PHKB: variants seen among roughly 807,000 people sequenced by gnomAD.
PHKB encodes the protein phosphorylase kinase regulatory subunit beta.
In PHKB, 122 loss-of-function variants were observed where a neutral mutation model predicts 152.1. That is an observed-to-expected ratio of 0.80 (90% CI 0.69 to 0.93). The LOEUF is 0.93. Ranked by LOEUF, PHKB falls within the 40% of genes least tolerant of loss-of-function variation. PHKB has a pLI of 0.00. For synonymous variants in PHKB, 436 were observed against 464.9 expected (o/e 0.94, Z 0.80); for missense variants, 1,304 against 1,328.4 (o/e 0.98, Z 0.29).
intron 14 of PHKB, among the ~76,000 whole-genome samples, chr16:47,619,598 C>G (rs1972582120): frequency 6.6e-6 from 1 of 152,182 alleles, no homozygotes; most frequent in Non-Finnish European, 1.5e-5. Flanking sequence ...CTCCCTCTCC[C>G]CATTCACCCT....
At chr16:47,609,085 C>T (rs761827868) in intron 13 of PHKB, among the ~76,000 whole-genome samples, 3 of 152,100 alleles carry the variant, frequency 2.0e-5, no homozygotes, top group Non-Finnish European at 2.9e-5. Flanking sequence ...TCTTCTGTTC[C>T]TACTTTGTTG....
intron 12 of PHKB, 112 bp downstream of exon 12, chr16:47,594,326 AT>A (rs1972081863): frequency 2.9e-6 from 2 of 681,132 alleles, no homozygotes; most frequent in African/African-American, 3.6e-5. Flanking sequence ...ATTGAAAAAA[AT>A]GAATGATCCC....
At chr16:47,682,349 T>G (rs919422371) in intron 26 of PHKB, among the ~76,000 whole-genome samples, 1 of 152,142 alleles carries the variant, frequency 6.6e-6, no homozygotes, top group Non-Finnish European at 1.5e-5. Context: ...ATCATATCCC[T>G]CAGAGTGTTT....
At position 47,667,627 on chromosome 16, in the gene PHKB, T is replaced by A. The variant is rs571952303; in HGVS notation, c.2428-1588T>A. ...CACCTCCAGCCAGAGTCTTGTGTTT[T>A]TACCCTGAACCAAGCCACCTCTGAA... On this transcript the variant is annotated intron_variant, in intron 25 of 30. Coordinates refer to ENST00000323584, the MANE Select transcript of PHKB (RefSeq NM_000293.3). Among the ~76,000 whole-genome samples the A allele has an allele frequency of 1.3e-4, 20 of 152,312 alleles. 1 individual carries two copies. In the South Asian group the frequency reaches 4.1e-3, roughly 32 times the overall value.
At chr16:47,601,489 A>G (rs1972225332) in intron 13 of PHKB, among the ~76,000 whole-genome samples, 1 of 152,050 alleles carries the variant, frequency 6.6e-6, no homozygotes, top group Non-Finnish European at 1.5e-5. Flanking sequence ...GCGGATCATG[A>G]GGTCAGGAGA....
intron 7 of PHKB, among the ~76,000 whole-genome samples, chr16:47,568,302 T>G (rs999154780): frequency 6.6e-6 from 1 of 152,224 alleles, no homozygotes; most frequent in Non-Finnish European, 1.5e-5. Flanking sequence ...TCCTGTAGAT[T>G]TTCTAGCTTG....
intron 8 of PHKB, among the ~76,000 whole-genome samples, chr16:47,583,774 C>G (rs1971889291): frequency 6.6e-6 from 1 of 152,082 alleles, no homozygotes. Context: ...GAAATTTCAG[C>G]TGTTGGACAC....
intron 6 of PHKB, among the ~76,000 whole-genome samples, chr16:47,546,043 C>T (rs1169303659): frequency 1.3e-5 from 2 of 152,172 alleles, no homozygotes; most frequent in Admixed American, 6.5e-5. Flanking sequence ...TAACATCCTC[C>T]GTTAGCTCGG....
intron 6 of PHKB, among the ~76,000 whole-genome samples, chr16:47,540,819 G>GTTTTTT (rs75589113): frequency 4.7e-5 from 3 of 64,278 alleles, no homozygotes; most frequent in Non-Finnish European, 8.3e-5. Flanking sequence ...TAAATGTCCT[G>GTTTTTT]TTTTTTTTTT....
At chr16:47,526,869 G>T (rs1970777604) in intron 6 of PHKB, among the ~76,000 whole-genome samples, 1 of 152,168 alleles carries the variant, frequency 6.6e-6, no homozygotes, top group Non-Finnish European at 1.5e-5. Context: ...TGGCTCACAG[G>T]TCTGCAGGCT....
At chr16:47,605,776 A>T (rs1207915665) in intron 13 of PHKB, among the ~76,000 whole-genome samples, 1 of 131,750 alleles carries the variant, frequency 7.6e-6, no homozygotes, top group East Asian at 1.9e-4. Context: ...TTCGATAGGA[A>T]AAATGTAACA....
In PHKB at chr16:47,577,853, G is replaced by A. The variant is rs114658257; in HGVS notation, c.711-2442G>A. Among the ~76,000 whole-genome samples, 850 of 152,210 alleles carry A rather than the reference G, an allele frequency of 5.6e-3. 8 individuals carry two copies. The highest frequency in any genetic ancestry group is 0.02 in the African/African-American group (812 of 41,538). Reference sequence around the variant, plus strand: ...ACATTTTAAAATTTATTCTGTTTGTGTTTCACTCAGCTTCTTGAATCTGTA... The same window carrying A: ...ACATTTTAAAATTTATTCTGTTTGTATTTCACTCAGCTTCTTGAATCTGTA... On this transcript the variant is annotated intron_variant, in intron 7 of 30. Coordinates refer to ENST00000323584, the MANE Select transcript of PHKB (RefSeq NM_000293.3).
chr16:47,541,457 G>A (rs1971057106), intron 6 of PHKB, among the ~76,000 whole-genome samples: 1 of 152,110 alleles, frequency 6.6e-6, no homozygotes, highest in Non-Finnish European at 1.5e-5. Flanking sequence ...CAATAAACAT[G>A]TATCTGCATG....
At chr16:47,613,213 G>A (rs1363948165) in intron 14 of PHKB, among the ~76,000 whole-genome samples, 1 of 152,174 alleles carries the variant, frequency 6.6e-6, no homozygotes, top group Non-Finnish European at 1.5e-5. Flanking sequence ...GTTGATTACT[G>A]TGAAAGGATA....
intron 3 of PHKB, among the ~76,000 whole-genome samples, chr16:47,500,589 T>TA (rs1970308546): frequency 6.6e-6 from 1 of 152,156 alleles, no homozygotes; most frequent in African/African-American, 2.4e-5. Flanking sequence ...TCATTAATGA[T>TA]AGAGCCAGGG....
chr16:47,487,242 T>C (rs1275411817), intron 1 of PHKB, among the ~76,000 whole-genome samples: 1 of 152,192 alleles, frequency 6.6e-6, no homozygotes, highest in Non-Finnish European at 1.5e-5. Flanking sequence ...AATATATTGC[T>C]TCAGGCAATG....
chr16:47,609,440 T>TGG (rs370191575), intron 13 of PHKB, among the ~76,000 whole-genome samples: 3 of 53,324 alleles, frequency 5.6e-5, no homozygotes, highest in African/African-American at 8.2e-5. Flanking sequence ...TTTTTGTGGG[T>TGG]GGGGGGGGGG....
At chr16:47,581,820 C>G (rs986151583) in intron 8 of PHKB, among the ~76,000 whole-genome samples, 2 of 152,142 alleles carry the variant, frequency 1.3e-5, no homozygotes, top group African/African-American at 2.4e-5. Context: ...GCTGGGATTA[C>G]AGGCGGCTGC....
intron 14 of PHKB, among the ~76,000 whole-genome samples, chr16:47,621,539 C>CGA (rs1972617308): frequency 6.6e-6 from 1 of 152,136 alleles, no homozygotes. Context: ...TGTTCTAATG[C>CGA]TCTCAAATAG....
Sources: allele counts gnomAD v4.1 joint callset (sites outside exome capture counted in the v4.1 genomes callset), GRCh38; gene constraint gnomAD v4.1.1; transcripts MANE v1.5; gene names NCBI Gene and HGNC (gene_info 2026-07-23, HGNC 2026-07-21).